GABBR2: variants seen among roughly 807,000 people sequenced by gnomAD.
GABBR2 encodes the protein G-protein coupled receptor 51.
A neutral mutation model predicts 105.6 loss-of-function variants in GABBR2; 23 were observed. The ratio of observed to expected loss-of-function variants is 0.22; its 90% confidence interval spans 0.16 to 0.31. The LOEUF (loss-of-function observed/expected upper bound fraction) is 0.31, where lower values mean the gene tolerates loss of function less well. Among genes scored for constraint, GABBR2 ranks in the 10% least tolerant of loss-of-function variants. The pLI is 1.00. For missense variants in GABBR2, 734 were observed against 1,245.5 expected (o/e 0.59, Z 6.18); for synonymous variants, 478 against 499.7 (o/e 0.96, Z 0.58).
chr9:98,644,142 C>T (rs1300286507), intron 1 of GABBR2, among the ~76,000 whole-genome samples: 1 of 152,226 alleles, frequency 6.6e-6, no homozygotes, highest in Non-Finnish European at 1.5e-5. Flanking sequence ...CATTGCCCAA[C>T]ACACAGCAGG....
intron 7 of GABBR2, among the ~76,000 whole-genome samples, chr9:98,436,200 T>A (rs1344501354): frequency 6.9e-6 from 1 of 145,272 alleles, no homozygotes; most frequent in Non-Finnish European, 1.5e-5. Context: ...CCAGAAAGAG[T>A]GTTTTATTAG....
intron 6 of GABBR2, among the ~76,000 whole-genome samples, chr9:98,466,358 T>A (rs796394829): frequency 6.6e-6 from 1 of 152,208 alleles, no homozygotes; most frequent in East Asian, 1.9e-4. Context: ...CTGTAACACA[T>A]AAAGGCAGTT....
intron 7 of GABBR2, among the ~76,000 whole-genome samples, chr9:98,410,002 C>T (rs1832557423): frequency 6.6e-6 from 1 of 152,168 alleles, no homozygotes; most frequent in South Asian, 2.1e-4. Context: ...AGCAACAGGG[C>T]ATGGTGGGAA....
At chr9:98,318,910 TGTGTTGG>T (rs1830770050) in intron 13 of GABBR2, among the ~76,000 whole-genome samples, 3 of 132,084 alleles carry the variant, frequency 2.3e-5, no homozygotes, top group East Asian at 2.8e-4. Flanking sequence ...TGTGTGTGTG[TGTGTTGG>T]GGGTGTGTGT....
At chr9:98,603,587 C>G (rs772226467) in intron 1 of GABBR2, among the ~76,000 whole-genome samples, 3 of 152,166 alleles carry the variant, frequency 2.0e-5, no homozygotes, top group Non-Finnish European at 4.4e-5. Context: ...AGGATCACCT[C>G]TCTGATTTTT....
chr9:98,665,987 G>A (rs1483703020), intron 1 of GABBR2, among the ~76,000 whole-genome samples: 1 of 152,240 alleles, frequency 6.6e-6, no homozygotes, highest in African/African-American at 2.4e-5. Flanking sequence ...ACCACTGTCT[G>A]TCTGGGGTTT....
At chr9:98,418,571 C>CA (rs1283575177) in intron 7 of GABBR2, among the ~76,000 whole-genome samples, 1 of 151,674 alleles carries the variant, frequency 6.6e-6, no homozygotes, top group East Asian at 1.9e-4. Context: ...CCCAAAAATC[C>CA]AAAAAACAAA....
intron 14 of GABBR2, among the ~76,000 whole-genome samples, chr9:98,309,704 T>A (rs1035132669): frequency 6.6e-6 from 1 of 152,212 alleles, no homozygotes; most frequent in Non-Finnish European, 1.5e-5. Flanking sequence ...CTCAAGTTCC[T>A]ATTTCTATAT....
At chr9:98,654,345 A>G (rs1012171884) in intron 1 of GABBR2, among the ~76,000 whole-genome samples, 2 of 152,232 alleles carry the variant, frequency 1.3e-5, no homozygotes, top group African/African-American at 4.8e-5. Context: ...CTGTTTAAAC[A>G]TCTGTCTTAC....
At chr9:98,606,642 G>A (rs923572961) in intron 1 of GABBR2, among the ~76,000 whole-genome samples, 4 of 151,648 alleles carry the variant, frequency 2.6e-5, no homozygotes, top group Admixed American at 6.6e-5. Context: ...CAACATGCCC[G>A]GTCGATTTTG....
chr9:98,703,370 A>C lies in GABBR2; in HGVS notation c.321+5047T>G, dbSNP rs557666223. Among the ~76,000 whole-genome samples the C allele has an allele frequency of 1.6e-4, 24 of 152,358 alleles. No homozygotes were observed. In the South Asian group the frequency reaches 4.8e-3, roughly 30 times the overall value. On this transcript the variant is annotated intron_variant, in intron 1 of 18. Coordinates refer to ENST00000259455, the MANE Select transcript of GABBR2 (RefSeq NM_005458.8). ...AAGTTGGCTTTCTGTCATTTGCATCAAGAGTACTAAACAACACACTTACTA... is the reference window on the plus strand; with the variant it reads ...AAGTTGGCTTTCTGTCATTTGCATCCAGAGTACTAAACAACACACTTACTA...
chr9:98,487,778 C>T (rs890020938), intron 4 of GABBR2, among the ~76,000 whole-genome samples: 1 of 151,946 alleles, frequency 6.6e-6, no homozygotes, highest in South Asian at 2.1e-4. Context: ...ACCCTGTCCC[C>T]ACTCCCCCAG....
chr9:98,400,002 C>T (rs191715751), intron 8 of GABBR2, among the ~76,000 whole-genome samples: 22 of 146,362 alleles, frequency 1.5e-4, no homozygotes, highest in African/African-American at 5.7e-4. Flanking sequence ...CATAGCGAGA[C>T]TCCCACCTCC....
chr9:98,648,961 T>A (rs138493688), intron 1 of GABBR2, among the ~76,000 whole-genome samples: 1 of 152,360 alleles, frequency 6.6e-6, no homozygotes, highest in East Asian at 1.9e-4. Context: ...TTTTCCTAAA[T>A]ATGATTCTTT....
chr9:98,331,200 C>T (rs1478989078), intron 13 of GABBR2, among the ~76,000 whole-genome samples: 3 of 152,152 alleles, frequency 2.0e-5, no homozygotes, highest in Non-Finnish European at 4.4e-5. Context: ...AATAGCTCTC[C>T]TATAAACATT....
At chr9:98,488,342 T>C (rs769070320) in intron 4 of GABBR2, among the ~76,000 whole-genome samples, 2 of 152,234 alleles carry the variant, frequency 1.3e-5, no homozygotes, top group Non-Finnish European at 2.9e-5. Context: ...CAGTTGTTGC[T>C]GACTAGTCGA....
chr9:98,514,764 C>T (rs1238566685), intron 3 of GABBR2, among the ~76,000 whole-genome samples: 1 of 151,936 alleles, frequency 6.6e-6, no homozygotes, highest in Non-Finnish European at 1.5e-5. Flanking sequence ...CAAATCTGCA[C>T]GTTGTGCACA....
At chr9:98,323,871 G>A (rs546381833) in intron 13 of GABBR2, among the ~76,000 whole-genome samples, 2 of 152,180 alleles carry the variant, frequency 1.3e-5, no homozygotes, top group Admixed American at 6.5e-5. Flanking sequence ...ACTAGAGTGC[G>A]AAGATTCTCT....
chr9:98,475,921 G>A (rs968307627), intron 5 of GABBR2, among the ~76,000 whole-genome samples: 1 of 152,118 alleles, frequency 6.6e-6, no homozygotes, highest in Admixed American at 6.5e-5. Context: ...AAAATTAGCT[G>A]GGCATGGTGG....
Sources: gnomAD v4.1 joint callset for allele counts (sites outside exome capture counted in the v4.1 genomes callset) on GRCh38, gnomAD v4.1.1 for gene constraint, MANE v1.5 for transcripts, NCBI Gene and HGNC (gene_info 2026-07-23, HGNC 2026-07-21) for gene names.